Variants in NPAS3 observed in about 807,000 individuals in gnomAD.
NPAS3 encodes the protein neuronal PAS domain-containing protein 3.
NPAS3 carries 14 observed loss-of-function variants against 73.1 expected under a neutral mutation model. The observed-to-expected ratio is 0.19, with a 90% CI of 0.13 to 0.30. NPAS3 has a LOEUF of 0.30. NPAS3 is among the 10% of genes least tolerant of loss of function. The pLI, the probability that NPAS3 is intolerant of heterozygous loss-of-function variation, is 1.00. For missense variants in NPAS3, 1,096 were observed against 1,250.0 expected, an observed-to-expected ratio of 0.88 and a Z score of 1.86; for synonymous variants, 620 against 541.5, an observed-to-expected ratio of 1.14 and a Z score of -2.01.
intron 1 of NPAS3, among the ~76,000 whole-genome samples, chr14:33,051,405 C>G (rs925325185): frequency 6.6e-5 from 10 of 152,056 alleles, no homozygotes; most frequent in African/African-American, 2.4e-4. Context: ...GCAATGCCAT[C>G]TGGTGTAACA....
At chr14:33,378,701 T>TTCTCAA (rs1384782807) in intron 4 of NPAS3, among the ~76,000 whole-genome samples, 1 of 152,174 alleles carries the variant, frequency 6.6e-6, no homozygotes, top group Non-Finnish European at 1.5e-5. Flanking sequence ...GGGTCTTCAC[T>TTCTCAA]TCTCAATGAC....
intron 4 of NPAS3, among the ~76,000 whole-genome samples, chr14:33,467,164 G>A (rs185285324): frequency 4.6e-5 from 7 of 152,284 alleles, no homozygotes; most frequent in Admixed American, 1.3e-4. Context: ...GCTCAAGCCC[G>A]CCTGTGTGCA....
At chr14:33,739,459 A>C (rs1317591574) in intron 7 of NPAS3, among the ~76,000 whole-genome samples, 10 of 152,220 alleles carry the variant, frequency 6.6e-5, no homozygotes, top group Non-Finnish European at 1.2e-4. Flanking sequence ...GCATCTAAAC[A>C]TGAAGTTACA....
intron 6 of NPAS3, among the ~76,000 whole-genome samples, chr14:33,725,704 T>C (rs2061246147): frequency 6.6e-6 from 1 of 152,146 alleles, no homozygotes; most frequent in Non-Finnish European, 1.5e-5. Flanking sequence ...CCTCACCCTG[T>C]TGCCTTTCAT....
intron 3 of NPAS3, among the ~76,000 whole-genome samples, chr14:33,240,794 C>G (rs2048189757): frequency 6.6e-6 from 1 of 151,894 alleles, no homozygotes. Context: ...AATATTTCTA[C>G]TCTGTTACAG....
chr14:33,056,835 G>A (rs536411723), intron 2 of NPAS3, among the ~76,000 whole-genome samples: 1 of 152,248 alleles, frequency 6.6e-6, no homozygotes, highest in South Asian at 2.1e-4. Context: ...TATGGAAAAT[G>A]GAAAGTAATG....
chr14:33,696,099 C>T (rs1040926027), intron 6 of NPAS3, among the ~76,000 whole-genome samples: 13 of 152,142 alleles, frequency 8.5e-5, no homozygotes, highest in Admixed American at 7.2e-4. Flanking sequence ...GCGGTAATAA[C>T]TATTCATCTT....
intron 4 of NPAS3, among the ~76,000 whole-genome samples, chr14:33,398,458 T>C (rs1053722818): frequency 3.3e-5 from 5 of 151,540 alleles, no homozygotes; most frequent in African/African-American, 1.2e-4. Context: ...TTCTGAGCAC[T>C]AATTACTTCC....
intron 1 of NPAS3, among the ~76,000 whole-genome samples, chr14:33,053,378 C>T (rs1217382207): frequency 2.0e-5 from 3 of 152,162 alleles, no homozygotes; most frequent in Admixed American, 2.0e-4. Flanking sequence ...TCATAGCTTA[C>T]ATGTTTCACA....
At chr14:33,390,186 T>A (rs968262142) in intron 4 of NPAS3, among the ~76,000 whole-genome samples, 2 of 152,198 alleles carry the variant, frequency 1.3e-5, no homozygotes, top group African/African-American at 4.8e-5. Context: ...TGGTTATATT[T>A]GTGAGTATTT....
chr14:33,433,965 C>T (rs144803328), intron 4 of NPAS3, among the ~76,000 whole-genome samples: 70 of 152,072 alleles, frequency 4.6e-4, no homozygotes, highest in Non-Finnish European at 7.2e-4. Flanking sequence ...CCGAGGTGGG[C>T]GGATCACCTG....
chr14:33,704,243 T>C (rs557507590), intron 6 of NPAS3, among the ~76,000 whole-genome samples: 2 of 152,356 alleles, frequency 1.3e-5, no homozygotes, highest in East Asian at 3.9e-4. Context: ...AAAGTGTGTG[T>C]ACATATAAAT....
At chr14:33,605,532 CAA>C (rs1002159108) in intron 5 of NPAS3, among the ~76,000 whole-genome samples, 1 of 151,242 alleles carries the variant, frequency 6.6e-6, no homozygotes, top group Non-Finnish European at 1.5e-5. Context: ...ATGAATTTAG[CAA>C]AATTGCAGGA....
chr14:33,028,737 T>G (rs2039891160), intron 1 of NPAS3, among the ~76,000 whole-genome samples: 1 of 152,044 alleles, frequency 6.6e-6, no homozygotes, highest in South Asian at 2.1e-4. Context: ...CTGGGAAAAT[T>G]GAAGAAAACA....
chr14:33,645,036 G>A (rs868647961), intron 5 of NPAS3, among the ~76,000 whole-genome samples: 3 of 148,488 alleles, frequency 2.0e-5, no homozygotes, highest in South Asian at 2.1e-4. Context: ...AGCTGAGATT[G>A]CACCACCACA....
intron 2 of NPAS3, among the ~76,000 whole-genome samples, chr14:33,175,864 C>A (rs1009471873): frequency 6.6e-6 from 1 of 151,998 alleles, no homozygotes; most frequent in African/African-American, 2.4e-5. Flanking sequence ...AAAATAAAAT[C>A]ATAAATTCTT....
chr14:33,787,517 T>C (rs2063214492), intron 9 of NPAS3, among the ~76,000 whole-genome samples: 2 of 151,292 alleles, frequency 1.3e-5, no homozygotes, highest in South Asian at 2.1e-4. Context: ...CATCTACAGG[T>C]CTTCTGTCCT....
At chr14:33,357,827 A>G (rs1315137) in intron 3 of NPAS3, among the ~76,000 whole-genome samples, 152,172 of 152,332 alleles carry the variant, frequency 1, 76,008 homozygotes, top group Middle Eastern at 1. Context: ...TCAGGGCGGG[A>G]CATGTCACAT....
intron 7 of NPAS3, among the ~76,000 whole-genome samples, chr14:33,749,084 A>G (rs2061885808): frequency 6.6e-6 from 1 of 151,532 alleles, no homozygotes; most frequent in South Asian, 2.1e-4. Flanking sequence ...TTGTTCTTAG[A>G]GAGACTATGG....
Sources: allele counts gnomAD v4.1 joint callset (sites outside exome capture counted in the v4.1 genomes callset), GRCh38; gene constraint gnomAD v4.1.1; transcripts MANE v1.5; gene names NCBI Gene and HGNC (gene_info 2026-07-23, HGNC 2026-07-21).